The following IGF2BP2 variants were observed in gnomAD, a reference collection of about 807,000 sequenced individuals.
IGF2BP2 encodes the protein insulin like growth factor 2 mRNA binding protein 2, also known as insulin-like growth factor 2 mRNA-binding protein 2.
In IGF2BP2, 17 loss-of-function variants were observed where a neutral mutation model predicts 75.8. That is an observed-to-expected ratio of 0.22 (90% CI 0.15 to 0.34). IGF2BP2 has a LOEUF of 0.34. Ranked by LOEUF, IGF2BP2 falls within the 10% of genes least tolerant of loss-of-function variation. IGF2BP2 has a pLI of 1.00. For missense variants in IGF2BP2, 516 were observed against 772.4 expected (o/e 0.67, Z 3.93); for synonymous variants, 288 against 295.6 (o/e 0.97, Z 0.26).
chr3:185,646,954 A>G (rs1713673470), intron 15 of IGF2BP2, 71 bp downstream of exon 15: 2 of 1,182,554 alleles, frequency 1.7e-6, no homozygotes, highest in Non-Finnish European at 2.5e-6. Context: ...GCCACCTGAC[A>G]GGCCACCAGC....
intron 2 of IGF2BP2, among the ~76,000 whole-genome samples, chr3:185,731,783 G>T (rs1728220186): frequency 6.6e-6 from 1 of 151,826 alleles, no homozygotes; most frequent in African/African-American, 2.4e-5. Flanking sequence ...AGACCATCCT[G>T]GCTAACATGG....
chr3:185,788,016 T>C (rs1022064025), intron 2 of IGF2BP2, among the ~76,000 whole-genome samples: 4 of 152,230 alleles, frequency 2.6e-5, no homozygotes, highest in Non-Finnish European at 5.9e-5. Flanking sequence ...ATTTTCTTCA[T>C]GTAAATCTAA....
chr3:185,657,146 A>T (rs772385640), intron 12 of IGF2BP2, 140 bp downstream of exon 12: 9 of 591,124 alleles, frequency 1.5e-5, no homozygotes, highest in Non-Finnish European at 2.1e-5. Context: ...GGACGGGAAT[A>T]GTCATGGGGC....
At chr3:185,781,895 C>A (rs1158734924) in intron 2 of IGF2BP2, among the ~76,000 whole-genome samples, 1 of 151,842 alleles carries the variant, frequency 6.6e-6, no homozygotes, top group African/African-American at 2.4e-5. Context: ...CTAACCAGGG[C>A]TGCATTTGTG....
chr3:185,696,811 T>C lies in IGF2BP2; in HGVS notation c.289-148A>G, dbSNP rs1722641004. The C allele has an allele frequency of 5.8e-6, 4 of 690,860 alleles. No individual in the cohort carries two copies. The South Asian group carries it at 7.3e-5, about 13-fold the overall frequency. 42.8% of individuals were successfully genotyped at this position (690,860 alleles called of 1,614,324 possible). ...TTAAATTGATATCTCAGGTCTTCCA[T>C]AAAAACAGTTAGAACTGAACAAATA... On this transcript the variant is annotated intron_variant, in intron 3 of 15. Transcript: ENST00000382199.
chr3:185,667,283 A>C (rs1717792334), intron 10 of IGF2BP2, among the ~76,000 whole-genome samples: 1 of 142,684 alleles, frequency 7.0e-6, no homozygotes, highest in Non-Finnish European at 1.6e-5. Context: ...GCAGACATAC[A>C]CAATCCCCCA....
intron 2 of IGF2BP2, among the ~76,000 whole-genome samples, chr3:185,777,851 G>A (rs972269180): frequency 1.3e-5 from 2 of 152,150 alleles, no homozygotes; most frequent in African/African-American, 2.4e-5. Context: ...AGACCAACCC[G>A]GTCAACATGG....
At chr3:185,705,694 A>C (rs1304507178) in intron 2 of IGF2BP2, among the ~76,000 whole-genome samples, 1 of 152,232 alleles carries the variant, frequency 6.6e-6, no homozygotes, top group Non-Finnish European at 1.5e-5. Context: ...TCCAAGATCA[A>C]GGCACCAGCA....
chr3:185,748,308 G>A (rs1315572206), intron 2 of IGF2BP2, among the ~76,000 whole-genome samples: 2 of 152,162 alleles, frequency 1.3e-5, no homozygotes, highest in African/African-American at 2.4e-5. Context: ...CTAGGTATGC[G>A]ATATACTGCC....
intron 2 of IGF2BP2, among the ~76,000 whole-genome samples, chr3:185,816,452 C>A (rs1432032349): frequency 6.6e-6 from 1 of 152,178 alleles, no homozygotes; most frequent in Non-Finnish European, 1.5e-5. Context: ...TGCAAAGGTT[C>A]AATTCACAAA....
At chr3:185,678,804 C>T (rs750723803) in intron 7 of IGF2BP2, among the ~76,000 whole-genome samples, 18 of 152,276 alleles carry the variant, frequency 1.2e-4, no homozygotes, top group South Asian at 8.3e-4. Context: ...GTTTAGAACT[C>T]TGAGGTTTGG....
chr3:185,805,114 A>G (rs1738837482), intron 2 of IGF2BP2, among the ~76,000 whole-genome samples: 1 of 152,134 alleles, frequency 6.6e-6, no homozygotes, highest in African/African-American at 2.4e-5. Flanking sequence ...GCTCTTAGGC[A>G]CACACAGTGA....
intron 2 of IGF2BP2, among the ~76,000 whole-genome samples, chr3:185,738,770 C>T (rs1333651534): frequency 6.6e-6 from 1 of 152,150 alleles, no homozygotes; most frequent in Non-Finnish European, 1.5e-5. Flanking sequence ...CTGCTGCTTC[C>T]TTCACAGAGA....
chr3:185,649,573 C>G (rs776279089), intron 13 of IGF2BP2, 39 bp from the exon 14 acceptor site: 3 of 1,610,756 alleles, frequency 1.9e-6, no homozygotes, highest in Admixed American at 1.7e-5. Context: ...CTCAGTCAGC[C>G]AGCAGCCGGC....
chr3:185,671,834 A>C (rs192899215), intron 10 of IGF2BP2, among the ~76,000 whole-genome samples: 1 of 152,342 alleles, frequency 6.6e-6, no homozygotes, highest in Non-Finnish European at 1.5e-5. Context: ...ATTGGGGGAA[A>C]GTTTGCTTTT....
intron 2 of IGF2BP2, among the ~76,000 whole-genome samples, chr3:185,719,209 G>A (rs1578089689): frequency 6.6e-6 from 1 of 152,224 alleles, no homozygotes; most frequent in South Asian, 2.1e-4. Flanking sequence ...GGAGATCACT[G>A]CAGGGATTTG....
intron 2 of IGF2BP2, among the ~76,000 whole-genome samples, chr3:185,727,507 G>T (rs1319691641): frequency 6.6e-6 from 1 of 152,144 alleles, no homozygotes; most frequent in African/African-American, 2.4e-5. Flanking sequence ...TAGTGCTGTG[G>T]ATGAGAACAC....
chr3:185,824,261 G>A (rs1262250899), intron 1 of IGF2BP2, among the ~76,000 whole-genome samples: 2 of 151,448 alleles, frequency 1.3e-5, no homozygotes, highest in East Asian at 2.0e-4. Flanking sequence ...AGGTGGGGAG[G>A]GGGCTCGAAA....
intron 9 of IGF2BP2, 140 bp downstream of exon 9, chr3:185,675,156 T>C: frequency 2.6e-6 from 2 of 755,016 alleles, no homozygotes; most frequent in Non-Finnish European, 4.2e-6. Context: ...CTAGTTGGTT[T>C]CCTGATTATT....
Sources: gnomAD v4.1 joint callset for allele counts (sites outside exome capture counted in the v4.1 genomes callset) on GRCh38, gnomAD v4.1.1 for gene constraint, MANE v1.5 for transcripts, NCBI Gene and HGNC (gene_info 2026-07-23, HGNC 2026-07-21) for gene names.